Variants in TAFA1 observed in about 807,000 individuals in gnomAD.
TAFA1 encodes TAFA chemokine like family member 1.
In TAFA1, 4 loss-of-function variants were observed where a neutral mutation model predicts 18.5. That is an observed-to-expected ratio of 0.22 (90% CI 0.11 to 0.49). The LOEUF is 0.49. Among genes scored for constraint, TAFA1 ranks in the 20% least tolerant of loss-of-function variants. The pLI is 0.98. For synonymous variants in TAFA1, 56 were observed against 55.2 expected, an observed-to-expected ratio of 1.01 and a Z score of -0.06; for missense variants, 147 against 169.0, an observed-to-expected ratio of 0.87 and a Z score of 0.72.
chr3:68,274,768 C>A (rs9853393), intron 2 of TAFA1, among the ~76,000 whole-genome samples: 5,704 of 152,228 alleles, frequency 0.037, 361 homozygotes, highest in African/African-American at 0.13. Context: ...GTATCATTAG[C>A]CTTACTCAGA....
At chr3:68,543,062 T>C (rs1346760685) in intron 4 of TAFA1, among the ~76,000 whole-genome samples, 8 of 152,088 alleles carry the variant, frequency 5.3e-5, no homozygotes, top group Non-Finnish European at 1.2e-4. Flanking sequence ...TGTGGTAAAA[T>C]TGTGAGGGAC....
intron 2 of TAFA1, among the ~76,000 whole-genome samples, chr3:68,085,043 T>C (rs1218928981): frequency 1.3e-5 from 2 of 152,192 alleles, no homozygotes; most frequent in African/African-American, 4.8e-5. Flanking sequence ...ACTATAAACA[T>C]GTGTGTTCAA....
intron 2 of TAFA1, among the ~76,000 whole-genome samples, chr3:68,286,177 C>T (rs996371303): frequency 3.3e-5 from 5 of 151,984 alleles, no homozygotes; most frequent in African/African-American, 9.7e-5. Flanking sequence ...CACCACTGCA[C>T]TCCAGCCTGG....
intron 2 of TAFA1, among the ~76,000 whole-genome samples, chr3:68,406,935 C>T (rs533955187): frequency 6.6e-6 from 1 of 152,286 alleles, no homozygotes; most frequent in East Asian, 1.9e-4. Flanking sequence ...GTTATTTCTG[C>T]AGTAGAGTTT....
intron 2 of TAFA1, among the ~76,000 whole-genome samples, chr3:68,349,079 A>G (rs1383374879): frequency 6.6e-5 from 10 of 151,426 alleles, no homozygotes; most frequent in African/African-American, 2.4e-4. Flanking sequence ...CTTTCTGGAA[A>G]TTTCTCCAGA....
intron 2 of TAFA1, among the ~76,000 whole-genome samples, chr3:68,254,107 A>G (rs1172225798): frequency 1.9e-5 from 2 of 105,980 alleles, no homozygotes; most frequent in Non-Finnish European, 3.8e-5. Flanking sequence ...CTACCTGTCT[A>G]TGTATGTATG....
chr3:68,101,002 T>C (rs1444307749), intron 2 of TAFA1, among the ~76,000 whole-genome samples: 1 of 152,074 alleles, frequency 6.6e-6, no homozygotes, highest in African/African-American at 2.4e-5. Context: ...TGGTGGGAGG[T>C]TGATTTTATT....
At chr3:68,177,125 C>A (rs1575662489) in intron 2 of TAFA1, among the ~76,000 whole-genome samples, 1 of 151,944 alleles carries the variant, frequency 6.6e-6, no homozygotes, top group Non-Finnish European at 1.5e-5. Context: ...CATAGGGATG[C>A]AATTAAAAGA....
intron 2 of TAFA1, among the ~76,000 whole-genome samples, chr3:68,272,654 C>T (rs768603920): frequency 2.6e-5 from 4 of 152,072 alleles, no homozygotes; most frequent in East Asian, 1.9e-4. Context: ...TCTGCCTGGG[C>T]GTAGTTTCCT....
chr3:68,448,553 A>G (rs2071512161), intron 3 of TAFA1, among the ~76,000 whole-genome samples: 2 of 152,194 alleles, frequency 1.3e-5, no homozygotes, highest in African/African-American at 4.8e-5. Context: ...GCATTCTTTC[A>G]TAATTGAAGG....
In TAFA1 at chr3:68,274,256, G is replaced by A. The variant is rs969302906; in HGVS notation, c.119-143024G>A. 1.1e-3 allele frequency among the ~76,000 whole-genome samples: 173 copies of A among 152,164 alleles called. 1 individual carries two copies. The highest frequency in any genetic ancestry group is 1.7e-3 in the East Asian group (9 of 5,176). ...TTCATTTTATGCTGTTTAGGATGAT[G>A]GTTTTCATGAAGAAGGACAAAAGAT... On this transcript the variant is annotated intron_variant, in intron 2 of 4. Transcript: ENST00000478136.
chr3:68,195,223 A>C (rs1015882249), intron 2 of TAFA1, among the ~76,000 whole-genome samples: 1 of 150,790 alleles, frequency 6.6e-6, no homozygotes, highest in Admixed American at 6.6e-5. Context: ...TGGATGTTTA[A>C]ATTACTACTT....
At chr3:68,437,677 T>A (rs1260286338) in intron 3 of TAFA1, among the ~76,000 whole-genome samples, 1 of 152,108 alleles carries the variant, frequency 6.6e-6, no homozygotes, top group African/African-American at 2.4e-5. Context: ...AATTCATTGA[T>A]AAGGGCAGAG....
intron 2 of TAFA1, among the ~76,000 whole-genome samples, chr3:68,032,091 T>C (rs1008034496): frequency 6.6e-6 from 1 of 152,196 alleles, no homozygotes; most frequent in Non-Finnish European, 1.5e-5. Flanking sequence ...TGTAGGTACC[T>C]TCATGTTTTT....
chr3:68,336,361 C>G (rs1052625125), intron 2 of TAFA1, among the ~76,000 whole-genome samples: 16 of 152,156 alleles, frequency 1.1e-4, no homozygotes, highest in African/African-American at 3.9e-4. Flanking sequence ...TCCTAACTGA[C>G]TTTTCTGATA....
chr3:68,159,846 C>T (rs1196067230), intron 2 of TAFA1, among the ~76,000 whole-genome samples: 1 of 152,212 alleles, frequency 6.6e-6, no homozygotes, highest in African/African-American at 2.4e-5. Flanking sequence ...CTGCTCATTT[C>T]TATCACTATA....
At chr3:68,006,540 G>T in intron 1 of TAFA1, 84 bp from the exon 2 acceptor site, 1 of 849,432 alleles carries the variant, frequency 1.2e-6, no homozygotes, top group South Asian at 1.4e-5. Context: ...TGACGTCTGA[G>T]ACCTCCCTTC....
chr3:68,032,533 C>T (rs1303282754), intron 2 of TAFA1, among the ~76,000 whole-genome samples: 1 of 152,130 alleles, frequency 6.6e-6, no homozygotes, highest in Non-Finnish European at 1.5e-5. Context: ...GAATTACATC[C>T]TAGAACACAG....
At chr3:68,439,412 C>CATATAT (rs57059146) in intron 3 of TAFA1, among the ~76,000 whole-genome samples, 2,097 of 73,332 alleles carry the variant, frequency 0.029, 124 homozygotes, top group African/African-American at 0.049. Context: ...TATATACATA[C>CATATAT]ATATATATAT....
Sources: allele counts gnomAD v4.1 joint callset (sites outside exome capture counted in the v4.1 genomes callset), GRCh38; gene constraint gnomAD v4.1.1; transcripts MANE v1.5; gene names NCBI Gene and HGNC (gene_info 2026-07-23, HGNC 2026-07-21).